DLC1: variants seen among roughly 807,000 people sequenced by gnomAD.
DLC1 encodes the protein rho GTPase-activating protein 7.
A neutral mutation model predicts 140.3 loss-of-function variants in DLC1; 54 were observed. The observed-to-expected ratio is 0.38, with a 90% CI of 0.31 to 0.48. The LOEUF (loss-of-function observed/expected upper bound fraction) is 0.48. Among genes scored for constraint, DLC1 ranks in the 20% least tolerant of loss-of-function variants. The pLI is 0.96. For missense variants in DLC1, 2,536 were observed against 1,907.0 expected (o/e 1.33, Z -6.14); for synonymous variants, 986 against 728.1 (o/e 1.35, Z -5.70).
At chr8:13,601,225 C>T (rs1805872097) in intron 1 of DLC1, among the ~76,000 whole-genome samples, 1 of 151,768 alleles carries the variant, frequency 6.6e-6, no homozygotes, top group South Asian at 2.1e-4. Flanking sequence ...TAGCTTTTCT[C>T]TAGGTCTTGT....
At chr8:13,124,663 T>A (rs1821402211) in intron 5 of DLC1, among the ~76,000 whole-genome samples, 1 of 152,222 alleles carries the variant, frequency 6.6e-6, no homozygotes, top group Admixed American at 6.5e-5. Context: ...TAGGTGGCCT[T>A]AAGAAAAGAA....
chr8:13,230,231 G>C (rs1157895264), intron 5 of DLC1, among the ~76,000 whole-genome samples: 1 of 152,158 alleles, frequency 6.6e-6, no homozygotes, highest in Non-Finnish European at 1.5e-5. Flanking sequence ...GTGATTGTAG[G>C]ATATTTTCAT....
intron 2 of DLC1, among the ~76,000 whole-genome samples, chr8:13,443,047 C>G (rs1308475362): frequency 6.6e-6 from 1 of 152,036 alleles, no homozygotes; most frequent in Admixed American, 6.6e-5. Flanking sequence ...AGTTCATGTC[C>G]TTTGTAGGGA....
intron 5 of DLC1, among the ~76,000 whole-genome samples, chr8:13,249,622 C>T (rs1053029533): frequency 2.0e-5 from 3 of 152,156 alleles, no homozygotes; most frequent in African/African-American, 7.2e-5. Flanking sequence ...GACTTCCAAC[C>T]TATTTCTTCC....
In DLC1 at chr8:13,316,508, C is replaced by T. The variant is rs977200917; in HGVS notation, c.1315-11206G>A. On this transcript the variant is annotated intron_variant, in intron 4 of 17. Transcript: ENST00000276297. ...GTCTGGATGATAATTTATATGAGAA[C>T]GCTTTATATGGATTCCATCAACAGG... Among the ~76,000 whole-genome samples the T allele has an allele frequency of 3.9e-5, 6 of 151,912 alleles. No homozygotes were observed. The South Asian group carries it at 6.2e-4, about 16-fold the overall frequency.
intron 2 of DLC1, among the ~76,000 whole-genome samples, chr8:13,489,412 TACACACAC>T (rs10558551): frequency 6.8e-5 from 9 of 132,350 alleles, no homozygotes; most frequent in South Asian, 2.7e-4. Context: ...ACACACACCA[TACACACAC>T]ACACACACAC....
At chr8:13,166,038 A>C (rs1268548848) in intron 5 of DLC1, among the ~76,000 whole-genome samples, 1 of 152,166 alleles carries the variant, frequency 6.6e-6, no homozygotes, top group Non-Finnish European at 1.5e-5. Context: ...CCACATCTTA[A>C]AGTATATGGC....
Position 13,099,997 on chromosome 8 carries a change from A to C in DLC1, c.2340T>G (p.Asp780Glu). 1 of 1,612,488 alleles carries C rather than the reference A, an allele frequency of 6.2e-7. No individual in the cohort carries two copies. The highest frequency in any genetic ancestry group is 1.1e-5 in the South Asian group (1 of 91,080). The change falls in exon 9 of 18, where the codon GAT (aspartate) becomes GAG (glutamate). Residue 780 changes from aspartate (D) to glutamate (E), a missense_variant. Physicochemically the swap from Asp to Glu is conservative, Grantham distance 45 (BLOSUM62 2). Transcript: ENST00000276297. ...KRVGMYLEGF[D>E]PFNQSTFNNV... ...TGTTAAATGTTGACTGATTGAAAGG[A>C]TCGAAGCCCTCTAAGTACATGCCCA...
intron 4 of DLC1, among the ~76,000 whole-genome samples, chr8:13,344,942 A>C (rs888662129): frequency 2.0e-5 from 3 of 152,210 alleles, no homozygotes; most frequent in African/African-American, 7.2e-5. Context: ...TATTTAATCA[A>C]ATTGGATAAT....
chr8:13,395,311 C>G (rs889965396), intron 3 of DLC1, among the ~76,000 whole-genome samples: 1 of 151,912 alleles, frequency 6.6e-6, no homozygotes, highest in Non-Finnish European at 1.5e-5. Context: ...TTAGTAGAGA[C>G]GGGGTTTCAC....
intron 2 of DLC1, among the ~76,000 whole-genome samples, chr8:13,427,427 G>A (rs2070321790): frequency 6.6e-6 from 1 of 152,118 alleles, no homozygotes; most frequent in Non-Finnish European, 1.5e-5. Flanking sequence ...TCTAGTGAGA[G>A]CCATATAATT....
In DLC1 at chr8:13,500,172, C is replaced by A; in HGVS notation, c.-101G>T. On this transcript the variant is annotated 5_prime_UTR_variant, in exon 2 of 18. Coordinates refer to ENST00000276297, the MANE Select transcript of DLC1 (RefSeq NM_182643.3). Reference sequence around the variant, plus strand: ...ATTTCAAAATCACCAATCAAAGAAGCGAATGAGTTCTGTCATTTCACCACC... The same window carrying A: ...ATTTCAAAATCACCAATCAAAGAAGAGAATGAGTTCTGTCATTTCACCACC... 2.8e-6 allele frequency: 3 copies of A among 1,078,934 alleles called. No individual in the cohort carries two copies. Among genetic ancestry groups the A allele is most frequent in the African/African-American group, 1.6e-5 (1 of 64,248 alleles). The allele number at this position is 1,078,934 out of a possible 1,614,324, so 66.8% of individuals were successfully genotyped here.
At chr8:13,597,175 A>G (rs1309420197) in intron 1 of DLC1, among the ~76,000 whole-genome samples, 1 of 152,064 alleles carries the variant, frequency 6.6e-6, no homozygotes, top group Non-Finnish European at 1.5e-5. Context: ...TATTGATATA[A>G]TTCTAACATT....
chr8:13,325,791 A>C (rs181254726), intron 4 of DLC1, among the ~76,000 whole-genome samples: 7 of 152,328 alleles, frequency 4.6e-5, no homozygotes, highest in African/African-American at 1.7e-4. Context: ...AGGTTAAAAC[A>C]TGTAGCGCTT....
intron 1 of DLC1, among the ~76,000 whole-genome samples, chr8:13,544,835 A>G (rs1803602518): frequency 6.6e-6 from 1 of 152,228 alleles, no homozygotes; most frequent in African/African-American, 2.4e-5. Flanking sequence ...CTTCCAAAAT[A>G]TGATTCAATG....
chr8:13,180,976 C>A (rs1585854305), intron 5 of DLC1, among the ~76,000 whole-genome samples: 1 of 151,672 alleles, frequency 6.6e-6, no homozygotes, highest in South Asian at 2.1e-4. Context: ...ATATAATGTT[C>A]CTTTTTTTTT....
Position 13,101,908 on chromosome 8 carries a change from T to C in DLC1, c.1566+882A>G, listed in dbSNP as rs139923938. Among the ~76,000 whole-genome samples, 1,117 of 152,320 alleles carry C rather than the reference T, an allele frequency of 7.3e-3. 18 individuals are homozygous for C. The highest frequency in any genetic ancestry group is 0.025 in the African/African-American group (1,047 of 41,554). The stretch of plus-strand genomic sequence containing the variant: ...TATCAAAGGGCACAATTCGGTATGA[T>C]ACATGTCTTTTCCACTGGTGTGGAA... On this transcript the variant is annotated intron_variant, in intron 8 of 17. Transcript: ENST00000276297.
intron 4 of DLC1, among the ~76,000 whole-genome samples, chr8:13,370,482 G>C (rs1307910246): frequency 6.6e-6 from 1 of 151,794 alleles, no homozygotes; most frequent in African/African-American, 2.4e-5. Context: ...TACACTCCAG[G>C]GCAGACTTCT....
chr8:13,599,908 T>C (rs1805813715), intron 1 of DLC1, among the ~76,000 whole-genome samples: 1 of 151,970 alleles, frequency 6.6e-6, no homozygotes, highest in Non-Finnish European at 1.5e-5. Context: ...TTACTATATA[T>C]GTATCAGTCT....
Sources: gnomAD v4.1 joint callset for allele counts (sites outside exome capture counted in the v4.1 genomes callset) on GRCh38, gnomAD v4.1.1 for gene constraint, MANE v1.5 for transcripts, NCBI Gene and HGNC (gene_info 2026-07-23, HGNC 2026-07-21) for gene names.